The following LPA variants were observed in gnomAD, a reference collection of about 807,000 sequenced individuals.
LPA encodes apolipoprotein(a).
In LPA, 199 loss-of-function variants were observed where a neutral mutation model predicts 197.9. The ratio of observed to expected loss-of-function variants is 1.01; its 90% confidence interval spans 0.90 to 1.13. The LOEUF (loss-of-function observed/expected upper bound fraction) is 1.13. Among genes scored for constraint, LPA ranks in the 50% most tolerant of loss-of-function variants. The pLI is 0.00. For missense variants in LPA, 1,853 were observed against 1,785.8 expected, an observed-to-expected ratio of 1.04 and a Z score of -0.68; for synonymous variants, 715 against 639.5, an observed-to-expected ratio of 1.12 and a Z score of -1.78.
intron 28 of LPA, among the ~76,000 whole-genome samples, chr6:160,576,392 A>ATATATATATATGGG (rs1778671894): frequency 1.5e-5 from 1 of 68,040 alleles, no homozygotes; most frequent in African/African-American, 7.9e-5. Context: ...ATATATATGT[A>ATATATATATATGGG]TATATATATA....
In LPA at chr6:160,600,950, G is replaced by C. The variant is rs1337045851; in HGVS notation, c.3094C>G (p.Leu1032Val). 1.9e-6 allele frequency: 3 copies of C among 1,613,220 alleles called. No homozygotes were observed. Among genetic ancestry groups the C allele is most frequent in the Non-Finnish European group, 2.5e-6 (3 of 1,179,990 alleles). Residue 1032 changes from leucine (L) to valine (V), a missense_variant, in exon 19 of 39, where the codon CTG becomes GTG. This residue lies in a region of LPA where 1,737 missense variants were observed against 1,504.4 expected (regional missense o/e 1.15). Coordinates refer to ENST00000316300, the MANE Select transcript of LPA (RefSeq NM_005577.4). ...WTAFVPPNVI[L>V]APSLEAFFEQ... ...AAAAAAGCCTCTAGGCTTGGAGCCAGAATAACATTCGGAGGGACGAAGGCA... is the reference window on the plus strand; with the variant it reads ...AAAAAAGCCTCTAGGCTTGGAGCCACAATAACATTCGGAGGGACGAAGGCA...
intron 21 of LPA, 82 bp downstream of exon 21, chr6:160,595,272 A>T: frequency 6.5e-7 from 1 of 1,533,532 alleles, no homozygotes; most frequent in Admixed American, 1.7e-5. Context: ...GTGAGCATGG[A>T]AGGCTTCTAT....
intron 30 of LPA, among the ~76,000 whole-genome samples, chr6:160,551,913 C>CTTTTTTT (rs569721968): frequency 7.7e-6 from 1 of 129,334 alleles, no homozygotes; most frequent in African/African-American, 2.8e-5. Flanking sequence ...AACACATATC[C>CTTTTTTT]TTTTTTTTTT....
At chr6:160,537,316 G>A (rs1777909416) in intron 37 of LPA, among the ~76,000 whole-genome samples, 1 of 152,150 alleles carries the variant, frequency 6.6e-6, no homozygotes. Flanking sequence ...GGAACTGTCT[G>A]CCTCTCCCCC....
intron 2 of LPA, among the ~76,000 whole-genome samples, chr6:160,648,568 G>T (rs1302148754): frequency 1.3e-5 from 2 of 151,946 alleles, no homozygotes; most frequent in African/African-American, 4.8e-5. Flanking sequence ...GTGTGTGTGT[G>T]TTTGTAAGCT....
chr6:160,653,971 TA>T lies in LPA; in HGVS notation c.50-3475del, dbSNP rs1780057120. On this transcript the variant is annotated intron_variant, in intron 1 of 38. Coordinates refer to ENST00000316300, the MANE Select transcript of LPA (RefSeq NM_005577.4). Reference sequence around the variant, plus strand: ...TATATTATATATAATATATATTATATATAATATATAATATATAATATATATT... The same window carrying T: ...TATATTATATATAATATATATTATATTAATATATAATATATAATATATATT... Among the ~76,000 whole-genome samples the T allele has an allele frequency of 1.5e-3, 31 of 21,246 alleles. 1 individual carries two copies. The highest frequency in any genetic ancestry group is 2.0e-3 in the Non-Finnish European group (26 of 12,734). The allele number at this position is 21,246 out of a possible 152,430, so 13.9% of individuals were successfully genotyped here. A position where few individuals can be genotyped will look rare whatever the true frequency, so the allele number is the denominator to read the frequency against.
chr6:160,531,986 A>T, intron 38 of LPA, 96 bp from the exon 39 acceptor site: 1 of 1,397,030 alleles, frequency 7.2e-7, no homozygotes. Flanking sequence ...ACATTTTCCC[A>T]GTAATTCAAA....
At position 160,578,552 on chromosome 6, in the gene LPA, A is replaced by G; in HGVS notation, c.4442T>C (p.Val1481Ala). 1 of 1,613,670 alleles carries G rather than the reference A, an allele frequency of 6.2e-7. No homozygotes were observed. The highest frequency in any genetic ancestry group is 8.5e-7 in the Non-Finnish European group (1 of 1,179,718). Residue 1481 changes from valine to alanine, a missense_variant, in exon 27 of 39, where the codon GTT becomes GCT. Transcript: ENST00000316300. ...TTCAGAAGGAGCCTCTGTGCTTGGA[A>G]CCGGGGCCACTGTGGGAGTTGTGAG... ...SVLTTPTVAP[V>A]PSTEAPSEQA...
intron 28 of LPA, among the ~76,000 whole-genome samples, chr6:160,564,111 T>C (rs1052307948): frequency 6.6e-6 from 1 of 152,228 alleles, no homozygotes; most frequent in Non-Finnish European, 1.5e-5. Flanking sequence ...GTCATTATGA[T>C]GCTAGCTGGC....
intron 37 of LPA, among the ~76,000 whole-genome samples, chr6:160,536,963 C>T (rs890123231): frequency 2.0e-5 from 3 of 152,142 alleles, no homozygotes; most frequent in African/African-American, 7.2e-5. Flanking sequence ...GCTGGTTTTA[C>T]AGATAAGGGA....
rs201473646 is a variant in LPA, at chr6:160,569,920, CA to C, written c.4631+7215del. ...CACTGGCCATCAGAGAAATGCAAAT[CA>C]AAACCACAATGAGATACCATCTCAT... On this transcript the variant is annotated intron_variant, in intron 28 of 38. Transcript: ENST00000316300. Among the ~76,000 whole-genome samples the C allele has an allele frequency of 9.3e-3, 1,411 of 152,222 alleles. 26 individuals carry two copies. The highest frequency in any genetic ancestry group is 0.032 in the African/African-American group (1,337 of 41,540).
intron 29 of LPA, among the ~76,000 whole-genome samples, chr6:160,557,166 G>C (rs1017445999): frequency 9.2e-5 from 14 of 151,956 alleles, no homozygotes; most frequent in African/African-American, 3.1e-4. Context: ...ATAACAAAGT[G>C]AGTGGTAAGT....
chr6:160,599,042 A>T (rs2115052792), intron 20 of LPA, among the ~76,000 whole-genome samples: 1 of 152,294 alleles, frequency 6.6e-6, no homozygotes, highest in South Asian at 2.1e-4. Context: ...AAGGAGAGCC[A>T]GCTTAAAAAA....
At chr6:160,547,283 G>A (rs762636031) in intron 32 of LPA, among the ~76,000 whole-genome samples, 15 of 152,184 alleles carry the variant, frequency 9.9e-5, no homozygotes, top group Non-Finnish European at 1.5e-4. Flanking sequence ...CTCATAAGGA[G>A]CATGCAATCT....
intron 18 of LPA, among the ~76,000 whole-genome samples, chr6:160,603,573 C>T (rs1457385729): frequency 6.6e-6 from 1 of 151,994 alleles, no homozygotes. Context: ...AAATTTTTTG[C>T]CATTCTAATC....
intron 28 of LPA, among the ~76,000 whole-genome samples, chr6:160,576,631 T>C (rs1778684765): frequency 6.9e-6 from 1 of 145,152 alleles, no homozygotes; most frequent in Non-Finnish European, 1.5e-5. Context: ...TATACACAAG[T>C]ATATAAATAT....
intron 24 of LPA, among the ~76,000 whole-genome samples, chr6:160,588,986 T>G (rs966714920): frequency 1.3e-5 from 2 of 152,248 alleles, no homozygotes; most frequent in Admixed American, 6.5e-5. Flanking sequence ...GTGTAACTCT[T>G]CAGCATCTCT....
intron 8 of LPA, among the ~76,000 whole-genome samples, chr6:160,631,991 AGTGTGTGTGT>A (rs1554240938): frequency 4.7e-3 from 610 of 130,782 alleles, no homozygotes; most frequent in Non-Finnish European, 7.8e-3. Context: ...GTGTGTTTTC[AGTGTGTGTGT>A]GTGTGTGTGT....
At chr6:160,599,695 T>G (rs781389440) in intron 19 of LPA, 36 bp from the exon 20 acceptor site, 3 of 1,612,672 alleles carry the variant, frequency 1.9e-6, no homozygotes, top group Non-Finnish European at 2.5e-6. Flanking sequence ...GCTTATTATT[T>G]CCTAGAACAG....
Sources: allele counts gnomAD v4.1 joint callset (sites outside exome capture counted in the v4.1 genomes callset), GRCh38; gene constraint gnomAD v4.1.1; regional missense constraint gnomAD v4.1.1; transcripts MANE v1.5; gene names NCBI Gene and HGNC (gene_info 2026-07-23, HGNC 2026-07-21).